LHFPL3: variants seen among roughly 807,000 people sequenced by gnomAD.
The protein encoded by LHFPL3 is LHFPL tetraspan subfamily member 3, also known as LHFPL tetraspan subfamily member 3 protein.
Under a neutral mutation model 19.3 loss-of-function variants are expected in LHFPL3, and 5 were observed. The ratio of observed to expected loss-of-function variants is 0.26; its 90% CI spans 0.14 to 0.54. The LOEUF (loss-of-function observed/expected upper bound fraction) is 0.54, where lower values mean the gene tolerates loss of function less well. Among genes scored for constraint, LHFPL3 ranks in the 20% least tolerant of loss-of-function variants. LHFPL3 has a pLI of 0.94. For missense variants in LHFPL3, 249 were observed against 307.4 expected, an observed-to-expected ratio of 0.81 and a Z score of 1.42; for synonymous variants, 133 against 126.2, an observed-to-expected ratio of 1.05 and a Z score of -0.36.
intron 2 of LHFPL3, among the ~76,000 whole-genome samples, chr7:104,862,866 AGTC>A (rs1217166011): frequency 6.6e-6 from 1 of 152,202 alleles, no homozygotes; most frequent in Non-Finnish European, 1.5e-5. Flanking sequence ...CTAGCTGCCG[AGTC>A]GGAGCTGGAA....
chr7:104,615,629 C>A (rs1051943108), intron 1 of LHFPL3, among the ~76,000 whole-genome samples: 5 of 152,082 alleles, frequency 3.3e-5, no homozygotes, highest in Non-Finnish European at 7.4e-5. Flanking sequence ...ACCCATCAAC[C>A]CATCATCTAC....
intron 1 of LHFPL3, among the ~76,000 whole-genome samples, chr7:104,520,698 T>G (rs1430047835): frequency 7.2e-6 from 1 of 138,752 alleles, no homozygotes; most frequent in African/African-American, 2.7e-5. Context: ...GTCAAGGAAT[T>G]TATCTATTTC....
intron 1 of LHFPL3, among the ~76,000 whole-genome samples, chr7:104,665,982 T>C (rs1366187595): frequency 3.8e-4 from 58 of 152,242 alleles, no homozygotes; most frequent in Non-Finnish European, 2.9e-5. Flanking sequence ...TACCCTGCTT[T>C]ACCTTTACAA....
At chr7:104,825,611 ATAAAG>A (rs936158349) in intron 2 of LHFPL3, among the ~76,000 whole-genome samples, 1 of 151,998 alleles carries the variant, frequency 6.6e-6, no homozygotes, top group African/African-American at 2.4e-5. Context: ...AGTGTCTTAA[ATAAAG>A]TAGAGTTGAT....
intron 1 of LHFPL3, among the ~76,000 whole-genome samples, chr7:104,588,144 T>G (rs10236930): frequency 0.048 from 7,340 of 152,142 alleles, 220 homozygotes; most frequent in East Asian, 0.13. Flanking sequence ...GTCAATTTCG[T>G]TTTTTGTTGC....
chr7:104,410,130 G>T (rs77890895), intron 1 of LHFPL3, among the ~76,000 whole-genome samples: 12,281 of 151,984 alleles, frequency 0.081, 553 homozygotes, highest in Non-Finnish European at 0.1. Context: ...GCAGTTTTTT[G>T]TTGTTGTTGT....
At chr7:104,732,388 G>T (rs1479038691) in intron 1 of LHFPL3, among the ~76,000 whole-genome samples, 1 of 152,070 alleles carries the variant, frequency 6.6e-6, no homozygotes. Context: ...ATTAATTATT[G>T]CCTCAATGAC....
chr7:104,719,055 C>T (rs1327061641), intron 1 of LHFPL3, among the ~76,000 whole-genome samples: 1 of 152,164 alleles, frequency 6.6e-6, no homozygotes, highest in African/African-American at 2.4e-5. Flanking sequence ...CTGCAAATTA[C>T]AGATGTGTTT....
chr7:104,427,629 G>T (rs553877017), intron 1 of LHFPL3, among the ~76,000 whole-genome samples: 1 of 152,252 alleles, frequency 6.6e-6, no homozygotes, highest in East Asian at 1.9e-4. Flanking sequence ...GCCACAGCCT[G>T]GCTTCTTCTC....
chr7:104,762,954 G>T (rs939884005), intron 2 of LHFPL3, among the ~76,000 whole-genome samples: 5 of 152,196 alleles, frequency 3.3e-5, no homozygotes, highest in Admixed American at 1.3e-4. Flanking sequence ...AAGGAAGGAT[G>T]TGACCCTTCG....
intron 1 of LHFPL3, among the ~76,000 whole-genome samples, chr7:104,420,421 A>G (rs1791704363): frequency 6.6e-6 from 1 of 152,232 alleles, no homozygotes. Flanking sequence ...TTTTTAAAAA[A>G]GAAAAGAGGA....
intron 1 of LHFPL3, among the ~76,000 whole-genome samples, chr7:104,636,849 CAT>C (rs1478609143): frequency 6.6e-6 from 1 of 152,248 alleles, no homozygotes; most frequent in African/African-American, 2.4e-5. Context: ...TGAACATACA[CAT>C]GTGTGTGTCT....
intron 2 of LHFPL3, among the ~76,000 whole-genome samples, chr7:104,859,383 A>C (rs1165753422): frequency 2.0e-5 from 3 of 151,836 alleles, no homozygotes; most frequent in Non-Finnish European, 4.4e-5. Context: ...AAAAGCATTA[A>C]GTAGGCCAGG....
rs1471382972 is a variant in LHFPL3 at position 104,376,638 on chromosome 7, AG to A, written c.445+47415del. Reference sequence around the variant, plus strand: ...TGAGAAGGAATTTTCACTCTATGAAAGCTTTTATCAAAATATACTCCTTGGG... The same window carrying A: ...TGAGAAGGAATTTTCACTCTATGAAACTTTTATCAAAATATACTCCTTGGG... On this transcript the variant is annotated intron_variant, in intron 1 of 2. Coordinates refer to ENST00000424859, the MANE Select transcript of LHFPL3 (RefSeq NM_199000.3). Among the ~76,000 whole-genome samples the A allele has an allele frequency of 2.0e-5, 3 of 152,182 alleles. No homozygotes were observed. The East Asian group carries it at 5.8e-4, about 29-fold the overall frequency.
chr7:104,430,047 G>C (rs1444119114), intron 1 of LHFPL3, among the ~76,000 whole-genome samples: 1 of 151,978 alleles, frequency 6.6e-6, no homozygotes, highest in Non-Finnish European at 1.5e-5. Context: ...TCGTCTGAGT[G>C]TAATAGTGAG....
intron 2 of LHFPL3, among the ~76,000 whole-genome samples, chr7:104,749,590 G>A (rs932843883): frequency 3.9e-5 from 6 of 152,284 alleles, no homozygotes; most frequent in Admixed American, 2.0e-4. Flanking sequence ...TGGCCGGAGA[G>A]GGCAACCCGG....
At chr7:104,395,055 C>T (rs1791156667) in intron 1 of LHFPL3, among the ~76,000 whole-genome samples, 1 of 151,884 alleles carries the variant, frequency 6.6e-6, no homozygotes, top group Non-Finnish European at 1.5e-5. Flanking sequence ...TGTTCTTGCC[C>T]AATGAGCTTA....
intron 1 of LHFPL3, among the ~76,000 whole-genome samples, chr7:104,706,575 C>G (rs1208962080): frequency 6.6e-6 from 1 of 152,200 alleles, no homozygotes; most frequent in Non-Finnish European, 1.5e-5. Flanking sequence ...GATTGCATCT[C>G]AAAATCACAC....
chr7:104,334,993 A>G (rs1344625712), intron 1 of LHFPL3, among the ~76,000 whole-genome samples: 1 of 152,070 alleles, frequency 6.6e-6, no homozygotes, highest in East Asian at 1.9e-4. Flanking sequence ...AGGCTTTCCC[A>G]CTTCTTACTG....
Sources: gnomAD v4.1 joint callset for allele counts (sites outside exome capture counted in the v4.1 genomes callset) on GRCh38, gnomAD v4.1.1 for gene constraint, MANE v1.5 for transcripts, NCBI Gene and HGNC (gene_info 2026-07-23, HGNC 2026-07-21) for gene names.